The following ADAM12 variants were observed in gnomAD, a reference collection of about 807,000 sequenced individuals.
ADAM12 encodes ADAM metallopeptidase domain 12, also known as disintegrin and metalloproteinase domain-containing protein 12.
ADAM12 carries 70 observed loss-of-function variants against 106.4 expected under a neutral mutation model. The ratio of observed to expected loss-of-function variants is 0.66; its 90% confidence interval spans 0.54 to 0.80. The LOEUF (loss-of-function observed/expected upper bound fraction) is 0.80, where lower values mean the gene tolerates loss of function less well. Among genes scored for constraint, ADAM12 ranks in the 30% least tolerant of loss-of-function variants. ADAM12 has a pLI of 0.00. For missense variants in ADAM12, 1,010 were observed against 1,171.9 expected, an observed-to-expected ratio of 0.86 and a Z score of 2.02; for synonymous variants, 420 against 433.5, an observed-to-expected ratio of 0.97 and a Z score of 0.39.
intron 1 of ADAM12, among the ~76,000 whole-genome samples, chr10:126,383,793 A>G (rs1276655349): frequency 1.3e-5 from 2 of 152,176 alleles, no homozygotes; most frequent in African/African-American, 4.8e-5. Context: ...GTGTTTATCT[A>G]TATATTTTAT....
Position 126,071,443 on chromosome 10 carries a change from C to G in ADAM12, c.1323+34G>C. The G allele has an allele frequency of 3.1e-6, 5 of 1,605,100 alleles. No homozygotes were observed. The South Asian group carries it at 3.3e-5, about 11-fold the overall frequency. ...TCTTTGCCTAGCCGAGGATACAAGT[C>G]TTCTTGTATCCTTGTTCTGGGAATG... On this transcript the variant is annotated intron_variant, in intron 12 of 22. Coordinates refer to ENST00000448723, the MANE Select transcript of ADAM12 (RefSeq NM_001288973.2).
chr10:126,284,381 G>C (rs985332153), intron 2 of ADAM12, among the ~76,000 whole-genome samples: 4 of 144,860 alleles, frequency 2.8e-5, no homozygotes, highest in Non-Finnish European at 4.5e-5. Flanking sequence ...CACCGTATCT[G>C]TAGCAGCCAT....
At chr10:126,024,233 A>G (rs1191025125) in intron 21 of ADAM12, among the ~76,000 whole-genome samples, 5 of 152,218 alleles carry the variant, frequency 3.3e-5, no homozygotes, top group African/African-American at 1.2e-4. Flanking sequence ...AAGCAAACTT[A>G]TGACAGTGCT....
At chr10:126,179,633 GTTAA>G (rs1259799371) in intron 3 of ADAM12, among the ~76,000 whole-genome samples, 2 of 152,118 alleles carry the variant, frequency 1.3e-5, no homozygotes, top group African/African-American at 2.4e-5. Context: ...GGATTAATTT[GTTAA>G]TTAATTCAAT....
In ADAM12 at chr10:126,251,604, G is replaced by A. The variant is rs1958756050; in HGVS notation, c.260+27311C>T. 2.7e-5 allele frequency among the ~76,000 whole-genome samples: 4 copies of A among 150,000 alleles called. No individual in the cohort carries two copies. The South Asian group carries it at 8.5e-4, about 32-fold the overall frequency. On this transcript the variant is annotated intron_variant, in intron 3 of 22. Transcript: ENST00000448723. The stretch of plus-strand genomic sequence containing the variant: ...GATGAACGGACAGGATGGATAGGAT[G>A]GATGGATGCATGGATAGATGAATGG...
At chr10:126,042,385 C>T (rs1240721504) in intron 18 of ADAM12, 1 of 1,044,364 alleles carries the variant, frequency 9.6e-7, no homozygotes, top group Non-Finnish European at 1.4e-6. Context: ...CTAAGAGCTT[C>T]TTGGGGGACA....
intron 2 of ADAM12, among the ~76,000 whole-genome samples, chr10:126,322,622 C>CTTT (rs1564732696): frequency 1.3e-5 from 2 of 152,202 alleles, no homozygotes. Flanking sequence ...GAGAGGCTGG[C>CTTT]ATTTGCTGAG....
In ADAM12 at chr10:126,109,781, G is replaced by A; in HGVS notation, c.663C>T (p.Asn221=). The A allele has an allele frequency of 1.9e-6, 3 of 1,612,086 alleles. No homozygotes were observed. The highest frequency in any genetic ancestry group is 2.5e-6 in the Non-Finnish European group (3 of 1,179,552). The stretch of plus-strand genomic sequence containing the variant: ...AATTTTAAAAAGTTCTTACCTCTCG[G>A]TTGTCTGCCACGATCACCAGCTCCA... ...KYVELVIVAD[N]REFQRQGKDL... Residue 221 remains asparagine (N), a synonymous_variant, in exon 7 of 23, where the codon AAC becomes AAT. Transcript: ENST00000448723.
chr10:126,267,004 T>C (rs1240235011), intron 3 of ADAM12, among the ~76,000 whole-genome samples: 1 of 152,168 alleles, frequency 6.6e-6, no homozygotes, highest in Non-Finnish European at 1.5e-5. Flanking sequence ...TATCACTGTG[T>C]TGTCCTAACA....
intron 5 of ADAM12, 135 bp from the exon 6 acceptor site, chr10:126,118,359 A>G (rs537356671): frequency 1.5e-6 from 1 of 675,684 alleles, no homozygotes; most frequent in East Asian, 2.7e-5. Context: ...TTTTGATTGG[A>G]AAGGACGTTT....
chr10:126,105,678 A>G (rs886503176), intron 8 of ADAM12, among the ~76,000 whole-genome samples: 1 of 152,202 alleles, frequency 6.6e-6, no homozygotes, highest in Admixed American at 6.5e-5. Context: ...ATAGACAAAC[A>G]AACTCCCCTC....
In ADAM12 at chr10:126,388,349, TGCGTGC is replaced by T. The variant is rs1197864020; in HGVS notation, c.-210_-205del. On this transcript the variant is annotated 5_prime_UTR_variant, in exon 1 of 23. Transcript: ENST00000448723. The surrounding 1 kb of genome is among the most constrained non-coding windows in gnomAD (Gnocchi z 4.4). ...TTAAAAAAGTTTCCCCCCGTGTGTG[TGCGTGC>T]GTGCGCGCGCGCGCGCCGTTCTGGC... 2.7e-6 allele frequency: 2 copies of T among 735,876 alleles called. No individual in the cohort carries two copies. The highest frequency in any genetic ancestry group is 6.9e-5 in the South Asian group (1 of 14,468). 45.6% of individuals were successfully genotyped at this position (735,876 alleles called of 1,614,324 possible). A position where few individuals can be genotyped will look rare whatever the true frequency, so the allele number is the denominator to read the frequency against.
intron 3 of ADAM12, among the ~76,000 whole-genome samples, chr10:126,185,127 C>G (rs1286423470): frequency 6.6e-6 from 1 of 152,240 alleles, no homozygotes; most frequent in Non-Finnish European, 1.5e-5. Context: ...TAGCACAAAG[C>G]TGAGTCCTGG....
intron 18 of ADAM12, among the ~76,000 whole-genome samples, chr10:126,040,965 CTG>C (rs1954153048): frequency 1.3e-5 from 2 of 152,114 alleles, no homozygotes; most frequent in South Asian, 4.1e-4. Context: ...ACTCTAGAAT[CTG>C]AGCCCAGGCC....
chr10:126,121,486 T>C (rs1313440391), intron 5 of ADAM12, among the ~76,000 whole-genome samples: 7 of 90,514 alleles, frequency 7.7e-5, no homozygotes, highest in African/African-American at 1.7e-4. Flanking sequence ...TTATATAATA[T>C]GTAACAATAT....
intron 3 of ADAM12, among the ~76,000 whole-genome samples, chr10:126,156,175 G>A (rs993002773): frequency 1.3e-5 from 2 of 152,132 alleles, no homozygotes; most frequent in South Asian, 2.1e-4. Context: ...ATGACACCAC[G>A]AGCTGGTAGG....
intron 1 of ADAM12, among the ~76,000 whole-genome samples, chr10:126,371,918 C>T (rs888632027): frequency 6.6e-6 from 1 of 152,200 alleles, no homozygotes; most frequent in African/African-American, 2.4e-5. Context: ...GCCTAGCCCA[C>T]AGTGAGTCCC....
intron 21 of ADAM12, among the ~76,000 whole-genome samples, chr10:126,029,999 C>G (rs1303924347): frequency 6.6e-6 from 1 of 152,138 alleles, no homozygotes; most frequent in African/African-American, 2.4e-5. Flanking sequence ...AGGAATTTAT[C>G]CATCTTGGGC....
intron 1 of ADAM12, among the ~76,000 whole-genome samples, chr10:126,349,768 C>T (rs1855283164): frequency 6.6e-6 from 1 of 152,170 alleles, no homozygotes. Context: ...TCTAGGCAAA[C>T]TGTTTCGACA....
Sources: allele counts gnomAD v4.1 joint callset (sites outside exome capture counted in the v4.1 genomes callset), GRCh38; gene constraint gnomAD v4.1.1; non-coding constraint Gnocchi (gnomAD v3.1); transcripts MANE v1.5; gene names NCBI Gene and HGNC (gene_info 2026-07-23, HGNC 2026-07-21).